The following MYO16 variants were observed in gnomAD, a reference collection of about 807,000 sequenced individuals.
The protein encoded by MYO16 is unconventional myosin-XVI.
In MYO16, 94 loss-of-function variants were observed where a neutral mutation model predicts 205.3. The observed-to-expected ratio is 0.46, with a 90% CI of 0.39 to 0.54. MYO16 has a LOEUF of 0.54. Among genes scored for constraint, MYO16 ranks in the 20% least tolerant of loss-of-function variants. MYO16 has a pLI of 0.00. For missense variants in MYO16, 2,315 were observed against 2,387.5 expected, an observed-to-expected ratio of 0.97 and a Z score of 0.63; for synonymous variants, 988 against 954.0, an observed-to-expected ratio of 1.04 and a Z score of -0.66.
At chr13:108,994,369 C>G (rs1884935873) in intron 21 of MYO16, among the ~76,000 whole-genome samples, 1 of 151,906 alleles carries the variant, frequency 6.6e-6, no homozygotes, top group Admixed American at 6.6e-5. Flanking sequence ...GTTTGCTTTG[C>G]TATTGTGTAC....
In MYO16 at chr13:109,141,168, C is replaced by T; in HGVS notation, c.4956C>T (p.Ser1652=). 3.1e-6 allele frequency: 5 copies of T among 1,609,486 alleles called. No homozygotes were observed. The highest frequency in any genetic ancestry group is 4.2e-6 in the Non-Finnish European group (5 of 1,177,922). The change falls in exon 32 of 35, where the codon AGC becomes AGT. Residue 1652 remains serine, a synonymous_variant. Transcript: ENST00000457511. This position sits in a 1 kb window ranked among gnomAD's most constrained non-coding sequence, Gnocchi z 4.1. ...CTGCCCCCGTGGCCGGGCCCTGCAG[C>T]TCCTTCCCCAAGATCCCATATTCCC... The part of the protein sequence containing the change: ...PNSAPVAGPC[S]SFPKIPYSPV...
the MYO16 span, among the ~76,000 whole-genome samples, chr13:108,509,350 A>G: frequency 1.3e-5 from 2 of 152,214 alleles, no homozygotes; most frequent in Non-Finnish European, 2.9e-5. Flanking sequence ...TAGAAACATT[A>G]CAAAGTACAA....
chr13:108,658,428 G>A (rs1203728664), intron 1 of MYO16, among the ~76,000 whole-genome samples: 1 of 133,730 alleles, frequency 7.5e-6, no homozygotes, highest in East Asian at 2.1e-4. Context: ...TTTCAACTTT[G>A]TGTGTGTGTG....
intron 16 of MYO16, among the ~76,000 whole-genome samples, chr13:108,941,062 T>C (rs759008122): frequency 6.6e-5 from 10 of 152,052 alleles, no homozygotes; most frequent in Non-Finnish European, 1.0e-4. Flanking sequence ...CAAAAACCAG[T>C]GAGCCACAGG....
At chr13:108,667,618 T>TGG (rs1881798202) in intron 2 of MYO16, among the ~76,000 whole-genome samples, 2 of 152,158 alleles carry the variant, frequency 1.3e-5, no homozygotes, top group Non-Finnish European at 2.9e-5. Flanking sequence ...TCTCATACCT[T>TGG]CCAGCAGCAT....
chr13:108,857,193 T>A (rs1257467156), intron 11 of MYO16, among the ~76,000 whole-genome samples: 1 of 152,206 alleles, frequency 6.6e-6, no homozygotes, highest in Non-Finnish European at 1.5e-5. Context: ...TAAGTAAACC[T>A]TCCCAGAGCT....
At chr13:108,945,141 G>A (rs555762752) in intron 16 of MYO16, among the ~76,000 whole-genome samples, 294 of 152,156 alleles carry the variant, frequency 1.9e-3, no homozygotes, top group Admixed American at 4.5e-3. Flanking sequence ...AACTTACTTC[G>A]ATTTCTCACA....
chr13:108,798,624 T>C (rs1886863820), intron 6 of MYO16, among the ~76,000 whole-genome samples: 1 of 151,752 alleles, frequency 6.6e-6, no homozygotes, highest in Admixed American at 6.6e-5. Flanking sequence ...TATGAAGACA[T>C]TGTTGTTTTA....
the MYO16 span, among the ~76,000 whole-genome samples, chr13:108,574,649 G>A: frequency 3.3e-5 from 5 of 150,272 alleles, no homozygotes; most frequent in Non-Finnish European, 7.4e-5. Context: ...TTCCACAGCA[G>A]GGGGCCTACC....
chr13:108,506,539 ATTAG>A, the MYO16 span, among the ~76,000 whole-genome samples: 28,887 of 152,006 alleles, frequency 0.19, 2,911 homozygotes, highest in East Asian at 0.38. Flanking sequence ...GATTTCATTT[ATTAG>A]TTCTAACAGT....
chr13:108,564,005 G>T, the MYO16 span, among the ~76,000 whole-genome samples: 71 of 152,168 alleles, frequency 4.7e-4, no homozygotes, highest in African/African-American at 1.7e-3. Flanking sequence ...GCCAGCATTT[G>T]TTATTACCTG....
intron 13 of MYO16, 91 bp downstream of exon 13, chr13:108,883,277 T>C (rs1310819629): frequency 6.8e-7 from 1 of 1,471,262 alleles, no homozygotes; most frequent in Non-Finnish European, 9.2e-7. Context: ...TTACCTTTAT[T>C]TACTTTCTCA....
chr13:108,506,360 T>C, the MYO16 span, among the ~76,000 whole-genome samples: 3 of 152,184 alleles, frequency 2.0e-5, no homozygotes, highest in Non-Finnish European at 2.9e-5. Context: ...TAGATTTTAG[T>C]GTATAGGTCT....
rs115718880 is a variant in MYO16 at position 109,112,426 on chromosome 13, A to G, written c.3439-7944A>G. Among the ~76,000 whole-genome samples, 866 of 152,298 alleles carry G rather than the reference A, an allele frequency of 5.7e-3. 10 individuals carry two copies. Among genetic ancestry groups the G allele is most frequent in the African/African-American group, 0.02 (820 of 41,572 alleles). ...TATTAGATGTATTTTAATAAAATAAATCAAATAGTTTAAATAAGTTGAAAA... is the reference window on the plus strand; with the variant it reads ...TATTAGATGTATTTTAATAAAATAAGTCAAATAGTTTAAATAAGTTGAAAA... On this transcript the variant is annotated intron_variant, in intron 28 of 34. Transcript: ENST00000457511.
chr13:109,125,198 C>A lies in MYO16; in HGVS notation c.3622C>A (p.Gln1208Lys). The change falls in exon 30 of 35, where the codon CAG becomes AAG. Residue 1208 changes from glutamine to lysine, a missense_variant. Around this residue, in one of 3 missense-constraint regions of MYO16, gnomAD observed 1,097 missense variants for 1,092.0 expected, o/e 1.00. Transcript: ENST00000457511. This position sits in a 1 kb window ranked among gnomAD's most constrained non-coding sequence, Gnocchi z 4.0. ...GGTGACTTCTATCAATAGCTTTCTG[C>A]AGAACACAGAGGACATGGGGCTGAA... ...QEVTSINSFLQNTEDMGLKTY... is the reference protein window; with the variant it reads ...QEVTSINSFLKNTEDMGLKTY... 1 of 1,614,120 alleles carries A rather than the reference C, an allele frequency of 6.2e-7. No homozygotes were observed. Among genetic ancestry groups the A allele is most frequent in the Non-Finnish European group, 8.5e-7 (1 of 1,180,022 alleles).
chr13:108,770,346 GTAA>G (rs1885921206), intron 4 of MYO16, among the ~76,000 whole-genome samples: 1 of 151,986 alleles, frequency 6.6e-6, no homozygotes, highest in Non-Finnish European at 1.5e-5. Context: ...CTGTATTAAT[GTAA>G]TAATTTTAAA....
At chr13:108,870,028 A>G (rs1878971002) in intron 12 of MYO16, among the ~76,000 whole-genome samples, 1 of 151,562 alleles carries the variant, frequency 6.6e-6, no homozygotes, top group Non-Finnish European at 1.5e-5. Context: ...TTAGTAATTA[A>G]ACCTTAAGAA....
At chr13:108,740,011 A>G (rs182313363) in intron 4 of MYO16, among the ~76,000 whole-genome samples, 2 of 152,246 alleles carry the variant, frequency 1.3e-5, no homozygotes, top group Admixed American at 1.3e-4. Flanking sequence ...ACTTCTGTAC[A>G]CTGGTTATTC....
intron 20 of MYO16, among the ~76,000 whole-genome samples, chr13:108,971,045 G>T (rs35374704): frequency 0.12 from 17,812 of 152,086 alleles, 1,261 homozygotes; most frequent in African/African-American, 0.19. Flanking sequence ...AGCTACTAAA[G>T]TATAATGAAA....
Sources: allele counts gnomAD v4.1 joint callset (sites outside exome capture counted in the v4.1 genomes callset), GRCh38; gene constraint gnomAD v4.1.1; regional missense constraint gnomAD v4.1.1; non-coding constraint Gnocchi (gnomAD v3.1); transcripts MANE v1.5; gene names NCBI Gene and HGNC (gene_info 2026-07-23, HGNC 2026-07-21).